Variants in CTNNA3 observed in about 807,000 individuals in gnomAD.
CTNNA3 encodes catenin alpha 3.
A neutral mutation model predicts 95.7 loss-of-function variants in CTNNA3; 76 were observed. The ratio of observed to expected loss-of-function variants is 0.79; its 90% confidence interval spans 0.66 to 0.96. The LOEUF (loss-of-function observed/expected upper bound fraction) is 0.96, where lower values mean the gene tolerates loss of function less well. CTNNA3 is among the 40% of genes least tolerant of loss of function. The pLI, the probability that CTNNA3 is intolerant of heterozygous loss-of-function variation, is 0.00. For missense variants in CTNNA3, 1,191 were observed against 1,089.8 expected (o/e 1.09, Z -1.31); for synonymous variants, 431 against 374.4 (o/e 1.15, Z -1.74).
intron 7 of CTNNA3, among the ~76,000 whole-genome samples, chr10:66,777,762 TACACAC>T (rs372712619): frequency 5.8e-4 from 80 of 136,944 alleles, no homozygotes; most frequent in East Asian, 5.6e-3. Context: ...AGAGACCTCC[TACACAC>T]ACACACACAC....
At chr10:66,293,053 T>C (rs1329389747) in intron 12 of CTNNA3, among the ~76,000 whole-genome samples, 1 of 152,204 alleles carries the variant, frequency 6.6e-6, no homozygotes, top group Admixed American at 6.5e-5. Flanking sequence ...TTGATATGTA[T>C]AAGTTTTGAT....
chr10:67,050,630 C>G (rs1925604), intron 7 of CTNNA3, among the ~76,000 whole-genome samples: 7,352 of 152,238 alleles, frequency 0.048, 250 homozygotes, highest in Non-Finnish European at 0.076. Context: ...TACGCTGAGG[C>G]TGATGTGATT....
intron 17 of CTNNA3, among the ~76,000 whole-genome samples, chr10:65,956,035 G>T (rs192851318): frequency 2.0e-5 from 3 of 152,188 alleles, no homozygotes; most frequent in Admixed American, 6.5e-5. Context: ...TTTTTGGTTG[G>T]TATGCTATTA....
intron 9 of CTNNA3, among the ~76,000 whole-genome samples, chr10:66,684,884 AT>A (rs1847192921): frequency 6.7e-6 from 1 of 148,200 alleles, no homozygotes; most frequent in Non-Finnish European, 1.5e-5. Flanking sequence ...ATTAGTAATT[AT>A]GTAGGAATAA....
intron 11 of CTNNA3, among the ~76,000 whole-genome samples, chr10:66,493,597 G>GTTTTTTTTTT (rs1589329310): frequency 1.7e-5 from 2 of 119,548 alleles, no homozygotes; most frequent in South Asian, 2.9e-4. Flanking sequence ...TTTAACTACA[G>GTTTTTTTTTT]TATTTTTTTT....
intron 9 of CTNNA3, among the ~76,000 whole-genome samples, chr10:66,742,525 C>A (rs1589198401): frequency 1.3e-5 from 2 of 152,274 alleles, no homozygotes; most frequent in East Asian, 3.9e-4. Flanking sequence ...TACACTCCCT[C>A]CCCTTTTGAA....
intron 7 of CTNNA3, among the ~76,000 whole-genome samples, chr10:67,079,283 C>G (rs1185638804): frequency 6.6e-6 from 1 of 152,160 alleles, no homozygotes; most frequent in African/African-American, 2.4e-5. Context: ...AAGAAACTAT[C>G]ATAAATACAG....
At chr10:67,672,167 G>A (rs1375796054) in intron 1 of CTNNA3, among the ~76,000 whole-genome samples, 2 of 152,224 alleles carry the variant, frequency 1.3e-5, no homozygotes, top group Non-Finnish European at 2.9e-5. Flanking sequence ...CTTTTGAGAA[G>A]TGTCTGTTCA....
rs779098844 is a variant in CTNNA3 at position 66,621,755 on chromosome 10, T to C, written c.1311A>G (p.Thr437=). The C allele has an allele frequency of 5.0e-6, 8 of 1,611,880 alleles. No homozygotes were observed. The highest frequency in any genetic ancestry group is 5.1e-6 in the Non-Finnish European group (6 of 1,179,026). ...EVANLACSMS[T]NEDGIKIVKI... ...TGACAATTTTAATTCCATCTTCATT[T>C]GTTGACATGGAACAAGCAAGATTTG... The change falls in exon 10 of 18, where the codon ACA becomes ACG. Residue 437 remains threonine, a synonymous_variant. Transcript: ENST00000433211.
chr10:67,101,570 T>C (rs892262013), intron 7 of CTNNA3, among the ~76,000 whole-genome samples: 1 of 151,734 alleles, frequency 6.6e-6, no homozygotes, highest in African/African-American at 2.4e-5. Context: ...AAGTCTCTAT[T>C]TCTAGTCCCT....
At chr10:66,302,647 G>C (rs72799181) in intron 12 of CTNNA3, among the ~76,000 whole-genome samples, 7,216 of 152,168 alleles carry the variant, frequency 0.047, 260 homozygotes, top group Middle Eastern at 0.096. Context: ...AATATACCAT[G>C]ATAATGTAAG....
chr10:67,228,887 G>C (rs1331080342), intron 5 of CTNNA3, among the ~76,000 whole-genome samples: 2 of 152,010 alleles, frequency 1.3e-5, no homozygotes, highest in African/African-American at 4.8e-5. Context: ...AATTCTTCCA[G>C]ACATTCAAAG....
At chr10:66,036,896 TGA>T (rs2079575758) in intron 15 of CTNNA3, among the ~76,000 whole-genome samples, 1 of 128,226 alleles carries the variant, frequency 7.8e-6, no homozygotes, top group Non-Finnish European at 1.6e-5. Flanking sequence ...TTTTTGAGAC[TGA>T]GTCTCGCCCT....
intron 9 of CTNNA3, among the ~76,000 whole-genome samples, chr10:66,658,123 C>A (rs1257018478): frequency 6.6e-6 from 1 of 152,136 alleles, no homozygotes; most frequent in Non-Finnish European, 1.5e-5. Context: ...ATTGTTTTCA[C>A]AACTTTCACC....
At chr10:66,441,768 C>T (rs769530931) in intron 11 of CTNNA3, among the ~76,000 whole-genome samples, 1 of 152,098 alleles carries the variant, frequency 6.6e-6, no homozygotes, top group Non-Finnish European at 1.5e-5. Context: ...AAATAGATAA[C>T]ATTTGGGTGG....
intron 7 of CTNNA3, among the ~76,000 whole-genome samples, chr10:66,808,166 A>G (rs1841731553): frequency 1.3e-5 from 2 of 152,130 alleles, no homozygotes; most frequent in African/African-American, 2.4e-5. Context: ...AGTAAGTTCA[A>G]TGTGGTTAAG....
At chr10:66,555,914 G>A (rs1024243547) in intron 10 of CTNNA3, among the ~76,000 whole-genome samples, 4 of 151,678 alleles carry the variant, frequency 2.6e-5, no homozygotes, top group Admixed American at 6.6e-5. Context: ...ATAAAAAAGA[G>A]CAATAAAATG....
intron 15 of CTNNA3, among the ~76,000 whole-genome samples, chr10:65,999,147 C>A (rs2078721750): frequency 6.6e-6 from 1 of 152,044 alleles, no homozygotes; most frequent in South Asian, 2.1e-4. Flanking sequence ...ACACATCAGG[C>A]AGGACTAGAT....
intron 9 of CTNNA3, among the ~76,000 whole-genome samples, 183 bp from the exon 10 acceptor site, chr10:66,621,967 TA>T (rs1844766917): frequency 1.3e-5 from 2 of 152,058 alleles, no homozygotes; most frequent in Non-Finnish European, 2.9e-5. Flanking sequence ...CAAATAACAA[TA>T]AAAGGACCTA....
Sources: allele counts gnomAD v4.1 joint callset (sites outside exome capture counted in the v4.1 genomes callset), GRCh38; gene constraint gnomAD v4.1.1; transcripts MANE v1.5; gene names NCBI Gene and HGNC (gene_info 2026-07-23, HGNC 2026-07-21).